Variants in CA10 observed in about 807,000 individuals in gnomAD.
CA10 encodes the protein carbonic anhydrase-related protein 10.
A neutral mutation model predicts 44.2 loss-of-function variants in CA10; 14 were observed. The observed-to-expected ratio is 0.32, with a 90% CI of 0.21 to 0.50. The LOEUF (loss-of-function observed/expected upper bound fraction) is 0.50. Ranked by LOEUF, CA10 falls within the 20% of genes least tolerant of loss-of-function variation. The pLI is 0.99. For synonymous variants in CA10, 159 were observed against 141.6 expected, an observed-to-expected ratio of 1.12 and a Z score of -0.87; for missense variants, 350 against 409.7, an observed-to-expected ratio of 0.85 and a Z score of 1.26.
intron 1 of CA10, among the ~76,000 whole-genome samples, chr17:52,079,061 C>A (rs1038678906): frequency 1.3e-5 from 2 of 152,086 alleles, no homozygotes; most frequent in Non-Finnish European, 2.9e-5. Context: ...CCGGGGCACG[C>A]GGATCACGAG....
intron 1 of CA10, among the ~76,000 whole-genome samples, chr17:52,090,576 T>C (rs1287370375): frequency 1.3e-5 from 2 of 152,156 alleles, no homozygotes; most frequent in Non-Finnish European, 2.9e-5. Flanking sequence ...TTTGTCATAA[T>C]ATACATCCTG....
chr17:51,663,563 C>T (rs1914090878), intron 4 of CA10, among the ~76,000 whole-genome samples: 1 of 152,062 alleles, frequency 6.6e-6, no homozygotes, highest in Admixed American at 6.6e-5. Flanking sequence ...TCTTCACAGG[C>T]AAAACTGTGA....
chr17:52,112,800 C>G (rs1988814136), intron 1 of CA10, among the ~76,000 whole-genome samples: 1 of 152,284 alleles, frequency 6.6e-6, no homozygotes, highest in South Asian at 2.1e-4. Flanking sequence ...GGCTCTCATG[C>G]CAAAAGAACC....
chr17:52,074,014 T>C (rs1453917246), intron 1 of CA10, among the ~76,000 whole-genome samples: 1 of 152,064 alleles, frequency 6.6e-6, no homozygotes, highest in Non-Finnish European at 1.5e-5. Context: ...TTCTCTAGAG[T>C]TCAGAAAGGG....
chr17:51,943,137 C>T (rs1227592710), intron 2 of CA10, among the ~76,000 whole-genome samples: 2 of 152,146 alleles, frequency 1.3e-5, no homozygotes. Flanking sequence ...ATTCTTTCCA[C>T]TTTCTACACC....
chr17:51,971,093 T>A (rs886826725), intron 2 of CA10, among the ~76,000 whole-genome samples: 2 of 152,074 alleles, frequency 1.3e-5, no homozygotes, highest in African/African-American at 4.8e-5. Flanking sequence ...ACTTTTGACT[T>A]GAATGGAATA....
At position 51,793,227 on chromosome 17, in the gene CA10, G is replaced by T. The variant is rs1363331820; in HGVS notation, c.280-45409C>A. On this transcript the variant is annotated intron_variant, in intron 3 of 8. Transcript: ENST00000451037. ...TGGAGGGGAATGGGGAGAATGCTGG[G>T]CTATGAACTTCTTGCACTGCCTGAA... Among the ~76,000 whole-genome samples the T allele has an allele frequency of 2.0e-5, 3 of 152,192 alleles. No homozygotes were observed. In the East Asian group the frequency reaches 5.8e-4, roughly 29 times the overall value.
intron 4 of CA10, among the ~76,000 whole-genome samples, chr17:51,657,603 C>T (rs940405325): frequency 2.6e-5 from 4 of 152,174 alleles, no homozygotes; most frequent in East Asian, 3.9e-4. Context: ...GAAAGTGATG[C>T]CTGTGGATGG....
At chr17:52,051,016 C>T (rs11867660) in intron 2 of CA10, among the ~76,000 whole-genome samples, 3,311 of 110,108 alleles carry the variant, frequency 0.03, 52 homozygotes, top group South Asian at 0.054. Flanking sequence ...AAGGAAGGAA[C>T]GAAGGAAGGA....
intron 3 of CA10, among the ~76,000 whole-genome samples, chr17:51,919,546 T>A (rs1172631152): frequency 6.6e-6 from 1 of 152,232 alleles, no homozygotes; most frequent in East Asian, 1.9e-4. Context: ...AGATGGATGG[T>A]AAGAGAGCTG....
chr17:51,726,144 G>A (rs1916513359), intron 4 of CA10, among the ~76,000 whole-genome samples: 2 of 152,176 alleles, frequency 1.3e-5, no homozygotes, highest in Non-Finnish European at 2.9e-5. Flanking sequence ...CAAAGGCCTG[G>A]ATAAACGTGG....
In CA10 at chr17:51,858,079, G is replaced by A. The variant is rs188673125; in HGVS notation, c.279+72911C>T. Among the ~76,000 whole-genome samples the A allele has an allele frequency of 2.3e-3, 348 of 152,022 alleles. 1 individual carries two copies. The highest frequency in any genetic ancestry group is 8.0e-3 in the African/African-American group (330 of 41,462). ...TATATTATTATGTAAATTGAGAAAC[G>A]GAAAGGAGAGAAATGACTCATTATA... On this transcript the variant is annotated intron_variant, in intron 3 of 8. Transcript: ENST00000451037.
intron 4 of CA10, among the ~76,000 whole-genome samples, chr17:51,725,259 C>A (rs1277825566): frequency 2.0e-5 from 3 of 152,324 alleles, no homozygotes; most frequent in East Asian, 3.9e-4. Flanking sequence ...GCCGGAGCCC[C>A]TTTGAAAATA....
chr17:52,042,085 A>AT (rs1986785034), intron 2 of CA10, among the ~76,000 whole-genome samples: 1 of 152,068 alleles, frequency 6.6e-6, no homozygotes, highest in African/African-American at 2.4e-5. Context: ...AGAGATACTG[A>AT]TGTCATTTCC....
At position 51,850,453 on chromosome 17, in the gene CA10, T is replaced by C. The variant is rs533453472; in HGVS notation, c.279+80537A>G. ...TGCAAGCATTTTGTAGAGTGGCAAG[T>C]GGGTGGAGAACAGAATGAGATTTCT... On this transcript the variant is annotated intron_variant, in intron 3 of 8. Coordinates refer to ENST00000451037, the MANE Select transcript of CA10 (RefSeq NM_020178.5). Among the ~76,000 whole-genome samples, 86 of 152,186 alleles carry C rather than the reference T, an allele frequency of 5.7e-4. 2 individuals carry two copies. Among genetic ancestry groups the C allele is most frequent in the African/African-American group, 2.0e-3 (83 of 41,538 alleles).
At chr17:51,732,281 C>A (rs1283365922) in intron 4 of CA10, among the ~76,000 whole-genome samples, 1 of 152,228 alleles carries the variant, frequency 6.6e-6, no homozygotes, top group Non-Finnish European at 1.5e-5. Flanking sequence ...ATGAGGAAGA[C>A]TGTTGTGACA....
intron 1 of CA10, chr17:52,134,830 A>G (rs1989316917): frequency 1.9e-6 from 1 of 517,044 alleles, no homozygotes; most frequent in Non-Finnish European, 3.9e-6. Context: ...TGTCACTGCC[A>G]TCCTCCACCC....
intron 3 of CA10, among the ~76,000 whole-genome samples, chr17:51,827,351 C>A (rs969305205): frequency 6.6e-6 from 1 of 151,520 alleles, no homozygotes; most frequent in Admixed American, 6.6e-5. Flanking sequence ...CACACACACA[C>A]ACATACACAC....
In CA10 at chr17:51,679,277, T is replaced by G. The variant is rs74487095; in HGVS notation, c.466-25541A>C. Among the ~76,000 whole-genome samples, 222 of 149,620 alleles carry G rather than the reference T, an allele frequency of 1.5e-3. 3 individuals are homozygous for G. The highest frequency in any genetic ancestry group is 3.0e-3 in the East Asian group (15 of 5,080). The stretch of plus-strand genomic sequence containing the variant: ...GTTTTTCTTTCTCTTTTTTTTTTTT[T>G]GGGATGGAGTCTCGCTCTGTCACCC... On this transcript the variant is annotated intron_variant, in intron 4 of 8. Transcript: ENST00000451037.
Sources: allele counts gnomAD v4.1 joint callset (sites outside exome capture counted in the v4.1 genomes callset), GRCh38; gene constraint gnomAD v4.1.1; transcripts MANE v1.5; gene names NCBI Gene and HGNC (gene_info 2026-07-23, HGNC 2026-07-21).